SHROOM3: variants seen among roughly 807,000 people sequenced by gnomAD.
The protein encoded by SHROOM3 is protein Shroom3.
In SHROOM3, 47 loss-of-function variants were observed where a neutral mutation model predicts 138.6. The ratio of observed to expected loss-of-function variants is 0.34; its 90% CI spans 0.27 to 0.43. SHROOM3 has a LOEUF of 0.43. Among genes scored for constraint, SHROOM3 ranks in the 20% least tolerant of loss-of-function variants. The pLI is 1.00. For synonymous variants in SHROOM3, 1,062 were observed against 1,063.3 expected (o/e 1.00, Z 0.02); for missense variants, 2,491 against 2,596.5 (o/e 0.96, Z 0.88).
intron 1 of SHROOM3, among the ~76,000 whole-genome samples, chr4:76,497,955 G>A (rs999277232): frequency 6.6e-6 from 1 of 152,200 alleles, no homozygotes; most frequent in Non-Finnish European, 1.5e-5. Flanking sequence ...AAAGTGTATC[G>A]AGCCCCTGGT....
At chr4:76,528,341 TTC>T (rs66814330) in intron 1 of SHROOM3, among the ~76,000 whole-genome samples, 9,480 of 51,344 alleles carry the variant, frequency 0.18, 305 homozygotes, top group East Asian at 0.28. Flanking sequence ...CTTCTTCTTC[TTC>T]TTTTTTTTTT....
chr4:76,752,450 C>G (rs1721655723), intron 6 of SHROOM3, among the ~76,000 whole-genome samples: 1 of 151,220 alleles, frequency 6.6e-6, no homozygotes, highest in Admixed American at 6.6e-5. Flanking sequence ...TTTTTCTAAC[C>G]ACAATTTTTT....
intron 1 of SHROOM3, among the ~76,000 whole-genome samples, chr4:76,498,772 T>C (rs1233974959): frequency 6.6e-6 from 1 of 152,126 alleles, no homozygotes; most frequent in Non-Finnish European, 1.5e-5. Context: ...CTTTCCTGAA[T>C]GTTCAATAAT....
chr4:76,770,568 TCTG>T, intron 9 of SHROOM3, 55 bp from the exon 10 acceptor site: 1 of 1,604,582 alleles, frequency 6.2e-7, no homozygotes, highest in Non-Finnish European at 8.5e-7. Context: ...GGAGGTGACT[TCTG>T]CTTCCACTGG....
intron 9 of SHROOM3, among the ~76,000 whole-genome samples, chr4:76,767,996 G>A (rs1722219430): frequency 1.3e-5 from 2 of 152,206 alleles, no homozygotes; most frequent in South Asian, 4.1e-4. Flanking sequence ...AGGGTGCAGT[G>A]ATAATGTTTT....
At chr4:76,650,787 C>T (rs1046058776) in intron 2 of SHROOM3, among the ~76,000 whole-genome samples, 10 of 152,108 alleles carry the variant, frequency 6.6e-5, no homozygotes, top group African/African-American at 1.9e-4. Context: ...TCGTGATCCA[C>T]CCATCTCAGT....
chr4:76,741,348 C>T lies in SHROOM3; in HGVS notation c.3175C>T (p.Arg1059Cys). Residue 1059 changes from arginine (R) to cysteine (C), a missense_variant, in exon 5 of 11, where the codon CGT (arginine) becomes TGT (cysteine). Transcript: ENST00000296043. This position sits in a 1 kb window ranked among gnomAD's most constrained non-coding sequence, Gnocchi z 6.2. The stretch of plus-strand genomic sequence containing the variant: ...GGAGAGCAGCGTGGCCGACCGGCGC[C>T]GTCTCTTCGAGCGCGATGGCAAGGC... The part of the protein sequence containing the change: ...FPESSVADRR[R>C]LFERDGKACS... 3 of 1,609,806 alleles carry T rather than the reference C, an allele frequency of 1.9e-6. No individual in the cohort carries two copies. The highest frequency in any genetic ancestry group is 1.1e-5 in the South Asian group (1 of 90,530).
At chr4:76,525,691 G>C (rs181342662) in intron 1 of SHROOM3, among the ~76,000 whole-genome samples, 1 of 152,018 alleles carries the variant, frequency 6.6e-6, no homozygotes, top group African/African-American at 2.4e-5. Flanking sequence ...GATTTTTAAA[G>C]CCTTTTAGTA....
intron 1 of SHROOM3, among the ~76,000 whole-genome samples, chr4:76,453,305 G>T (rs1452315856): frequency 1.3e-5 from 2 of 151,330 alleles, no homozygotes; most frequent in African/African-American, 2.4e-5. Context: ...AAGAGACAGG[G>T]TCTTGCTCCA....
intron 4 of SHROOM3, among the ~76,000 whole-genome samples, chr4:76,737,681 C>T (rs1360243501): frequency 6.6e-6 from 1 of 152,022 alleles, no homozygotes; most frequent in African/African-American, 2.4e-5. Context: ...TTGCCTATGA[C>T]AGAGCCCTCA....
chr4:76,671,341 G>A (rs891126195), intron 2 of SHROOM3, among the ~76,000 whole-genome samples: 7 of 152,204 alleles, frequency 4.6e-5, no homozygotes, highest in African/African-American at 4.8e-5. Flanking sequence ...CTGTCCCTCT[G>A]CTTAAAAACT....
intron 4 of SHROOM3, among the ~76,000 whole-genome samples, chr4:76,737,206 T>TTCA (rs1444055068): frequency 6.6e-6 from 1 of 152,194 alleles, no homozygotes; most frequent in Non-Finnish European, 1.5e-5. Flanking sequence ...ACTGGCTTTT[T>TTCA]TCATCTAGTG....
intron 3 of SHROOM3, among the ~76,000 whole-genome samples, chr4:76,730,344 G>T (rs1720835091): frequency 6.6e-6 from 1 of 152,200 alleles, no homozygotes; most frequent in Non-Finnish European, 1.5e-5. Flanking sequence ...AACAGGATAT[G>T]ATAGAGGACT....
chr4:76,761,125 C>T (rs137900701), intron 9 of SHROOM3, among the ~76,000 whole-genome samples: 1 of 152,174 alleles, frequency 6.6e-6, no homozygotes, highest in African/African-American at 2.4e-5. Context: ...TGATTGTATG[C>T]ATCAACCAGG....
At chr4:76,733,601 G>T (rs1036141466) in intron 4 of SHROOM3, among the ~76,000 whole-genome samples, 2 of 152,162 alleles carry the variant, frequency 1.3e-5, no homozygotes, top group Non-Finnish European at 2.9e-5. Flanking sequence ...CCACCTGTGG[G>T]ATCTGATCTT....
chr4:76,670,583 AT>A lies in SHROOM3; in HGVS notation c.324-39572del, dbSNP rs571821380. Among the ~76,000 whole-genome samples, 14 of 152,270 alleles carry A rather than the reference AT, an allele frequency of 9.2e-5. No individual in the cohort carries two copies. The South Asian group carries it at 2.9e-3, about 32-fold the overall frequency. ...TTAAAAAAGGCATTTTATTTGAAAA[AT>A]AACTTAGATATTTTATATTGAATCA... is the stretch of plus-strand genomic sequence containing the variant. On this transcript the variant is annotated intron_variant, in intron 2 of 10. Transcript: ENST00000296043.
intron 9 of SHROOM3, among the ~76,000 whole-genome samples, chr4:76,770,143 T>C (rs1335803549): frequency 6.6e-6 from 1 of 151,784 alleles, no homozygotes; most frequent in East Asian, 1.9e-4. Context: ...GCCAACATGA[T>C]GAAACCCCAT....
chr4:76,612,398 G>A (rs1393449833), intron 2 of SHROOM3, among the ~76,000 whole-genome samples: 1 of 152,090 alleles, frequency 6.6e-6, no homozygotes, highest in East Asian at 1.9e-4. Context: ...GACCTAACTG[G>A]TGTGTTAGTC....
In SHROOM3 at chr4:76,759,596, C is replaced by T. The variant is rs1251257449; in HGVS notation, c.5250C>T (p.Tyr1750=). 1 of 1,614,082 alleles carries T rather than the reference C, an allele frequency of 6.2e-7. No homozygotes were observed. The highest frequency in any genetic ancestry group is 8.5e-7 in the Non-Finnish European group (1 of 1,180,038). ...VSMLVNCPAY[Y]SVSAPKAELL... Reference sequence around the variant, plus strand: ...TGTTGGTTAACTGCCCTGCCTACTACAGTGTGTCTGCTCCCAAGGCTGAGC... The same window carrying T: ...TGTTGGTTAACTGCCCTGCCTACTATAGTGTGTCTGCTCCCAAGGCTGAGC... Residue 1750 remains tyrosine (Y), a synonymous_variant, in exon 9 of 11, where the codon TAC becomes TAT. Coordinates refer to ENST00000296043, the MANE Select transcript of SHROOM3 (RefSeq NM_020859.4).
Sources: gnomAD v4.1 joint callset for allele counts (sites outside exome capture counted in the v4.1 genomes callset) on GRCh38, gnomAD v4.1.1 for gene constraint, Gnocchi (gnomAD v3.1) non-coding constraint, MANE v1.5 for transcripts, NCBI Gene and HGNC (gene_info 2026-07-23, HGNC 2026-07-21) for gene names.